ANGPT1: variants seen among roughly 807,000 people sequenced by gnomAD.
The protein encoded by ANGPT1 is angiopoietin 1.
In ANGPT1, 17 loss-of-function variants were observed where a neutral mutation model predicts 62.2. The ratio of observed to expected loss-of-function variants is 0.27; its 90% CI spans 0.19 to 0.41. The LOEUF (loss-of-function observed/expected upper bound fraction) is 0.41. Ranked by LOEUF, ANGPT1 falls within the 10% of genes least tolerant of loss-of-function variation. The pLI is 1.00. For synonymous variants in ANGPT1, 199 were observed against 198.9 expected (o/e 1.00, Z 0.00); for missense variants, 478 against 594.9 (o/e 0.80, Z 2.04).
intron 1 of ANGPT1, among the ~76,000 whole-genome samples, chr8:107,388,282 G>T (rs1816770777): frequency 6.6e-6 from 1 of 152,040 alleles, no homozygotes; most frequent in Admixed American, 6.6e-5. Context: ...GGACATGGTG[G>T]CATGTACCTA....
At chr8:107,424,567 A>T (rs1038374248) in intron 1 of ANGPT1, among the ~76,000 whole-genome samples, 1 of 152,232 alleles carries the variant, frequency 6.6e-6, no homozygotes, top group African/African-American at 2.4e-5. Context: ...TGTGATGGCC[A>T]TGTTATTCCC....
In ANGPT1 at chr8:107,371,550, C is replaced by T. The variant is rs948029644; in HGVS notation, c.298-24453G>A. Among the ~76,000 whole-genome samples the T allele has an allele frequency of 2.7e-4, 40 of 149,948 alleles. 1 individual carries two copies. Among genetic ancestry groups the T allele is most frequent in the Non-Finnish European group, 4.9e-4 (33 of 67,772 alleles). ...GGGCACCATAATCCTTCTTCAATCC[C>T]CTCTCTCTTGGTGCTGAGCATTCTT... On this transcript the variant is annotated intron_variant, in intron 1 of 8. Coordinates refer to ENST00000517746, the MANE Select transcript of ANGPT1 (RefSeq NM_001146.5).
chr8:107,311,535 T>C (rs1271778508), intron 4 of ANGPT1, among the ~76,000 whole-genome samples: 1 of 152,182 alleles, frequency 6.6e-6, no homozygotes, highest in Non-Finnish European at 1.5e-5. Context: ...ACGATATACA[T>C]AAGACATACA....
intron 1 of ANGPT1, among the ~76,000 whole-genome samples, chr8:107,370,590 C>T (rs10097816): frequency 0.74 from 111,177 of 149,338 alleles, 42,224 homozygotes; most frequent in East Asian, 0.87. Flanking sequence ...GTGATCCCAG[C>T]TACTCAGGAG....
chr8:107,435,764 C>T (rs576772361), intron 1 of ANGPT1, among the ~76,000 whole-genome samples: 14 of 152,186 alleles, frequency 9.2e-5, no homozygotes, highest in South Asian at 2.1e-4. Flanking sequence ...CACCATGTGC[C>T]GGGGATGACG....
intron 1 of ANGPT1, among the ~76,000 whole-genome samples, chr8:107,444,225 G>A (rs1007854730): frequency 7.9e-5 from 12 of 152,154 alleles, no homozygotes; most frequent in African/African-American, 2.9e-4. Context: ...AACACTGGGA[G>A]TTCTAAAAGT....
chr8:107,323,887 C>T lies in ANGPT1; in HGVS notation c.576-1759G>A, dbSNP rs1586223597. ...TTCCGCCTCCTGGGTTCACGCCATT[C>T]TCCTGCCTCAGCCTCCCGAGTAGTT... On this transcript the variant is annotated intron_variant, in intron 3 of 8. Transcript: ENST00000517746. Among the ~76,000 whole-genome samples, 4 of 152,104 alleles carry T rather than the reference C, an allele frequency of 2.6e-5. No individual in the cohort carries two copies. In the South Asian group the frequency reaches 8.3e-4, roughly 32 times the overall value.
intron 1 of ANGPT1, among the ~76,000 whole-genome samples, chr8:107,364,905 T>C (rs1257958330): frequency 6.6e-6 from 1 of 152,098 alleles, no homozygotes; most frequent in Non-Finnish European, 1.5e-5. Flanking sequence ...CTAGATGTCT[T>C]TCAGAAAAGA....
chr8:107,390,417 A>G (rs1816812485), intron 1 of ANGPT1, among the ~76,000 whole-genome samples: 1 of 152,166 alleles, frequency 6.6e-6, no homozygotes, highest in South Asian at 2.1e-4. Context: ...TGAGCTGAAT[A>G]CTCTGAAGCT....
In ANGPT1 at chr8:107,434,082, G is replaced by T. The variant is rs139002738; in HGVS notation, c.297+63180C>A. Among the ~76,000 whole-genome samples the T allele has an allele frequency of 9.2e-5, 14 of 152,324 alleles. No homozygotes were observed. The East Asian group carries it at 2.7e-3, about 29-fold the overall frequency. On this transcript the variant is annotated intron_variant, in intron 1 of 8. Transcript: ENST00000517746. Reference sequence around the variant, plus strand: ...GAGGCAAATTTGATTGAGGAAAGGGGTGACTATTGGAGAAGTATTTGAGCT... The same window carrying T: ...GAGGCAAATTTGATTGAGGAAAGGGTTGACTATTGGAGAAGTATTTGAGCT...
chr8:107,254,449 GTTA>G (rs903613228), intron 8 of ANGPT1, among the ~76,000 whole-genome samples: 2 of 151,734 alleles, frequency 1.3e-5, no homozygotes, highest in East Asian at 2.0e-4. Context: ...TGCCATGACT[GTTA>G]TTGACAAAAA....
At chr8:107,258,872 A>C (rs990387285) in intron 8 of ANGPT1, among the ~76,000 whole-genome samples, 9 of 152,188 alleles carry the variant, frequency 5.9e-5, no homozygotes, top group Non-Finnish European at 1.3e-4. Flanking sequence ...TTATACTAAC[A>C]TTCATTTATG....
chr8:107,341,655 T>C (rs1815698331), intron 2 of ANGPT1, among the ~76,000 whole-genome samples: 1 of 148,946 alleles, frequency 6.7e-6, no homozygotes, highest in African/African-American at 2.4e-5. Context: ...TATAACATAA[T>C]AATATAACCC....
chr8:107,274,323 G>C (rs1388912481), intron 7 of ANGPT1, among the ~76,000 whole-genome samples: 9 of 152,124 alleles, frequency 5.9e-5, no homozygotes, highest in Non-Finnish European at 1.3e-4. Context: ...TGGCTGGCTG[G>C]ATAAAGCAAT....
chr8:107,347,056 G>A lies in ANGPT1; in HGVS notation c.339C>T (p.Ala113=). Residue 113 remains alanine, a synonymous_variant, in exon 2 of 9, where the codon GCC becomes GCT. Coordinates refer to ENST00000517746, the MANE Select transcript of ANGPT1 (RefSeq NM_001146.5). The part of the protein sequence containing the change: ...YIVENMKSEM[A]QIQQNAVQNH... Reference sequence around the variant, plus strand: ...TCTGAACTGCATTCTGCTGTATCTGGGCCATCTCCGACTTCATGTTTTCCA... The same window carrying A: ...TCTGAACTGCATTCTGCTGTATCTGAGCCATCTCCGACTTCATGTTTTCCA... 1 of 1,613,592 alleles carries A rather than the reference G, an allele frequency of 6.2e-7. No individual in the cohort carries two copies.
intron 2 of ANGPT1, among the ~76,000 whole-genome samples, chr8:107,340,619 G>A (rs968199888): frequency 3.3e-5 from 5 of 151,792 alleles, no homozygotes; most frequent in African/African-American, 1.2e-4. Flanking sequence ...AGTCACTGCA[G>A]CCTCTTGGGC....
intron 8 of ANGPT1, among the ~76,000 whole-genome samples, chr8:107,258,420 C>T (rs750717699): frequency 8.5e-5 from 13 of 152,146 alleles, no homozygotes; most frequent in Non-Finnish European, 1.3e-4. Context: ...ATAATATAAA[C>T]GTATCCATTA....
chr8:107,457,861 CA>C (rs767711468), intron 1 of ANGPT1, among the ~76,000 whole-genome samples: 14,873 of 125,702 alleles, frequency 0.12, 911 homozygotes, highest in Non-Finnish European at 0.16. Context: ...CACACACACA[CA>C]CACACCAAGA....
At chr8:107,289,476 T>C (rs1386334266) in intron 6 of ANGPT1, among the ~76,000 whole-genome samples, 1 of 152,138 alleles carries the variant, frequency 6.6e-6, no homozygotes, top group Non-Finnish European at 1.5e-5. Context: ...TCACACAAAT[T>C]ATTTAAAAAA....
Sources: gnomAD v4.1 joint callset for allele counts (sites outside exome capture counted in the v4.1 genomes callset) on GRCh38, gnomAD v4.1.1 for gene constraint, MANE v1.5 for transcripts, NCBI Gene and HGNC (gene_info 2026-07-23, HGNC 2026-07-21) for gene names.